GULP1: variants seen among roughly 807,000 people sequenced by gnomAD.
GULP1 encodes the protein GULP PTB domain containing engulfment adaptor 1.
GULP1 carries 19 observed loss-of-function variants against 40.9 expected under a neutral mutation model. The ratio of observed to expected loss-of-function variants is 0.46; its 90% confidence interval spans 0.32 to 0.68. GULP1 has a LOEUF of 0.68. Among genes scored for constraint, GULP1 ranks in the 30% least tolerant of loss-of-function variants. The pLI is 0.03. For missense variants in GULP1, 312 were observed against 362.2 expected (o/e 0.86, Z 1.12); for synonymous variants, 119 against 117.6 (o/e 1.01, Z -0.08).
chr2:188,411,867 C>T (rs1003989844), intron 2 of GULP1, among the ~76,000 whole-genome samples: 35 of 152,170 alleles, frequency 2.3e-4, no homozygotes, highest in Admixed American at 1.3e-4. Flanking sequence ...TCAGGTATGT[C>T]CTAGAAAGGG....
intron 7 of GULP1, among the ~76,000 whole-genome samples, chr2:188,545,173 A>G (rs1238154757): frequency 6.6e-6 from 1 of 151,938 alleles, no homozygotes; most frequent in Admixed American, 6.6e-5. Flanking sequence ...TTAAAAAATT[A>G]TTAGATGAAT....
chr2:188,362,731 T>A (rs2046255586), intron 1 of GULP1, among the ~76,000 whole-genome samples: 1 of 152,092 alleles, frequency 6.6e-6, no homozygotes. Context: ...TTCTGGACAT[T>A]ATGGGTGTAG....
chr2:188,344,571 A>C (rs1302555105), intron 1 of GULP1, among the ~76,000 whole-genome samples: 1 of 152,228 alleles, frequency 6.6e-6, no homozygotes, highest in Non-Finnish European at 1.5e-5. Context: ...TATGGGCTTG[A>C]GAAATTATTA....
chr2:188,540,024 C>T (rs1458073198), intron 6 of GULP1, among the ~76,000 whole-genome samples: 1 of 151,962 alleles, frequency 6.6e-6, no homozygotes, highest in Non-Finnish European at 1.5e-5. Context: ...TAAAATAAAG[C>T]TTTTTTGGGG....
chr2:188,553,857 T>C (rs1160873087), intron 7 of GULP1, among the ~76,000 whole-genome samples: 1 of 152,054 alleles, frequency 6.6e-6, no homozygotes, highest in Admixed American at 6.6e-5. Context: ...GGTTTTCTAT[T>C]TCTTCCTGAT....
At chr2:188,503,799 C>T (rs1334838197) in intron 4 of GULP1, among the ~76,000 whole-genome samples, 1 of 151,814 alleles carries the variant, frequency 6.6e-6, no homozygotes, top group Non-Finnish European at 1.5e-5. Flanking sequence ...GTACTATTAC[C>T]TTGTTAATAC....
chr2:188,306,817 A>G (rs2106239455), intron 1 of GULP1, among the ~76,000 whole-genome samples: 1 of 152,364 alleles, frequency 6.6e-6, no homozygotes, highest in Middle Eastern at 3.4e-3. Flanking sequence ...AGCTGAGTTG[A>G]TGTCTGCCAA....
At chr2:188,465,587 C>T (rs1158208004) in intron 2 of GULP1, among the ~76,000 whole-genome samples, 1 of 152,148 alleles carries the variant, frequency 6.6e-6, no homozygotes, top group African/African-American at 2.4e-5. Context: ...CACTTTAGCT[C>T]ATGATGGCAA....
intron 11 of GULP1, chr2:188,592,042 T>TA (rs1265301309): frequency 6.6e-6 from 1 of 151,948 alleles, no homozygotes; most frequent in East Asian, 1.9e-4. Context: ...TAAGGATCCT[T>TA]AAAAAGTCAA....
rs749417157 is a variant in GULP1, at chr2:188,484,598, G to GTATACTAGTGAA, written c.90+1106_90+1107insTATACTAGTGAA. Among the ~76,000 whole-genome samples the GTATACTAGTGAA allele has an allele frequency of 3.1e-3, 466 of 152,248 alleles. 3 individuals are homozygous for GTATACTAGTGAA. The highest frequency in any genetic ancestry group is 5.6e-3 in the Non-Finnish European group (380 of 68,000). ...TTTATGGATTAGTGAAGTATACACT[G>GTATACTAGTGAA]GGATACAGTGAGATTAGGCATAGCA... On this transcript the variant is annotated intron_variant, in intron 4 of 11. Coordinates refer to ENST00000409830, the MANE Select transcript of GULP1 (RefSeq NM_016315.4).
At chr2:188,335,274 T>C (rs2042115103) in intron 1 of GULP1, among the ~76,000 whole-genome samples, 1 of 152,188 alleles carries the variant, frequency 6.6e-6, no homozygotes, top group South Asian at 2.1e-4. Flanking sequence ...GGGAAGAGAC[T>C]TTTTTGATTA....
chr2:188,377,121 G>A (rs546691940), intron 1 of GULP1, among the ~76,000 whole-genome samples: 38 of 151,384 alleles, frequency 2.5e-4, no homozygotes, highest in African/African-American at 8.0e-4. Context: ...GTGGTGAGCC[G>A]AGATTGCACC....
Position 188,297,780 on chromosome 2 carries a change from T to C in GULP1, c.-172+5614T>C, listed in dbSNP as rs2035303660. Among the ~76,000 whole-genome samples, 3 of 152,124 alleles carry C rather than the reference T, an allele frequency of 2.0e-5. No individual in the cohort carries two copies. The South Asian group carries it at 6.2e-4, about 31-fold the overall frequency. On this transcript the variant is annotated intron_variant, in intron 1 of 11. Coordinates refer to ENST00000409830, the MANE Select transcript of GULP1 (RefSeq NM_016315.4). ...ATAACTATTGTTCTCATTTGGTTTG[T>C]ATTTAAATTAGATAATATCAATTTT...
intron 2 of GULP1, among the ~76,000 whole-genome samples, chr2:188,428,462 G>A (rs1191146996): frequency 6.6e-6 from 1 of 152,146 alleles, no homozygotes; most frequent in African/African-American, 2.4e-5. Context: ...TTGTAGGACG[G>A]GCTTGGTGGG....
rs145081982 is a variant in GULP1 at position 188,481,804 on chromosome 2, T to C, written c.29-1627T>C. ...GAGTTAAAAGGAGAAATTGGACATCTTAGTTTTCCTAAAGGTGTTTTTCTT... is the reference window on the plus strand; with the variant it reads ...GAGTTAAAAGGAGAAATTGGACATCCTAGTTTTCCTAAAGGTGTTTTTCTT... On this transcript the variant is annotated intron_variant, in intron 3 of 11. Coordinates refer to ENST00000409830, the MANE Select transcript of GULP1 (RefSeq NM_016315.4). Among the ~76,000 whole-genome samples the C allele has an allele frequency of 3.8e-3, 576 of 152,096 alleles. 4 individuals carry two copies. Among genetic ancestry groups the C allele is most frequent in the African/African-American group, 0.013 (543 of 41,558 alleles).
At chr2:188,446,408 T>A (rs187752857) in intron 2 of GULP1, among the ~76,000 whole-genome samples, 1 of 152,332 alleles carries the variant, frequency 6.6e-6, no homozygotes, top group African/African-American at 2.4e-5. Context: ...CCGCTTTTGG[T>A]CAGCCTGTTA....
chr2:188,381,797 A>G (rs2049036450), intron 1 of GULP1, among the ~76,000 whole-genome samples: 1 of 152,194 alleles, frequency 6.6e-6, no homozygotes, highest in South Asian at 2.1e-4. Context: ...ACTATGTGTC[A>G]TGCTTGAAAT....
chr2:188,419,109 C>G (rs939306828), intron 2 of GULP1, among the ~76,000 whole-genome samples: 1 of 152,156 alleles, frequency 6.6e-6, no homozygotes, highest in Non-Finnish European at 1.5e-5. Flanking sequence ...TTATTCATTG[C>G]TCACTGGACA....
intron 1 of GULP1, among the ~76,000 whole-genome samples, chr2:188,337,631 G>A (rs968926311): frequency 2.0e-5 from 3 of 151,842 alleles, no homozygotes; most frequent in African/African-American, 7.3e-5. Context: ...AAAATAGTGT[G>A]TTGTACCCAG....
Sources: allele counts gnomAD v4.1 joint callset (sites outside exome capture counted in the v4.1 genomes callset), GRCh38; gene constraint gnomAD v4.1.1; transcripts MANE v1.5; gene names NCBI Gene and HGNC (gene_info 2026-07-23, HGNC 2026-07-21).